Variants in ROBO2 observed in about 807,000 individuals in gnomAD.
ROBO2 encodes the protein roundabout homolog 2.
A neutral mutation model predicts 160.8 loss-of-function variants in ROBO2; 53 were observed. That is an observed-to-expected ratio of 0.33 (90% confidence interval 0.26 to 0.41). The LOEUF (loss-of-function observed/expected upper bound fraction) is 0.41, where lower values mean the gene tolerates loss of function less well. Ranked by LOEUF, ROBO2 falls within the 10% of genes least tolerant of loss-of-function variation. The pLI is 1.00. For synonymous variants in ROBO2, 664 were observed against 611.7 expected (o/e 1.09, Z -1.26); for missense variants, 1,577 against 1,722.4 (o/e 0.92, Z 1.49).
chr3:76,998,489 C>T (rs1195769661), intron 2 of ROBO2, among the ~76,000 whole-genome samples: 1 of 152,134 alleles, frequency 6.6e-6, no homozygotes, highest in Non-Finnish European at 1.5e-5. Flanking sequence ...CTTCCACATA[C>T]ATTTAATCCT....
intron 2 of ROBO2, among the ~76,000 whole-genome samples, chr3:77,113,105 C>T (rs776426564): frequency 3.9e-5 from 6 of 152,174 alleles, no homozygotes; most frequent in South Asian, 2.1e-4. Flanking sequence ...ACGTCTTGCA[C>T]GTCTTATTTC....
chr3:77,384,885 A>C (rs1306643553), intron 2 of ROBO2, among the ~76,000 whole-genome samples: 1 of 152,192 alleles, frequency 6.6e-6, no homozygotes, highest in Non-Finnish European at 1.5e-5. Flanking sequence ...ACCTCTAAAA[A>C]TTTCCATGAT....
At chr3:75,909,006 C>T (rs1428566619) in intron 1 of ROBO2, among the ~76,000 whole-genome samples, 1 of 152,208 alleles carries the variant, frequency 6.6e-6, no homozygotes, top group African/African-American at 2.4e-5. Flanking sequence ...CTTTCAGATT[C>T]CGTGGCAACA....
At chr3:77,163,249 A>G (rs1156669603) in intron 2 of ROBO2, among the ~76,000 whole-genome samples, 1 of 152,242 alleles carries the variant, frequency 6.6e-6, no homozygotes, top group African/African-American at 2.4e-5. Flanking sequence ...CAGCTTTTAA[A>G]ATGTATATAG....
At chr3:76,908,629 T>C (rs1225183492) in intron 2 of ROBO2, among the ~76,000 whole-genome samples, 1 of 152,184 alleles carries the variant, frequency 6.6e-6, no homozygotes, top group Non-Finnish European at 1.5e-5. Context: ...CAACTGCTAC[T>C]CAGGAGGCAC....
intron 2 of ROBO2, among the ~76,000 whole-genome samples, chr3:76,100,728 A>G (rs1209362141): frequency 6.6e-6 from 1 of 152,192 alleles, no homozygotes; most frequent in African/African-American, 2.4e-5. Flanking sequence ...ATTTGGATCA[A>G]AGGACAAACA....
chr3:77,283,130 A>G (rs1270537742), intron 2 of ROBO2, among the ~76,000 whole-genome samples: 1 of 152,170 alleles, frequency 6.6e-6, no homozygotes, highest in East Asian at 1.9e-4. Flanking sequence ...TTTAGTCTAC[A>G]TCTAGAACAA....
At chr3:77,429,192 T>C (rs2078521774) in intron 2 of ROBO2, among the ~76,000 whole-genome samples, 1 of 152,198 alleles carries the variant, frequency 6.6e-6, no homozygotes, top group Non-Finnish European at 1.5e-5. Flanking sequence ...CTCTTGAATG[T>C]GGACTTGTGG....
chr3:77,363,441 C>A (rs1257439503), intron 2 of ROBO2, among the ~76,000 whole-genome samples: 1 of 152,084 alleles, frequency 6.6e-6, no homozygotes, highest in Non-Finnish European at 1.5e-5. Flanking sequence ...TCAGGATTTG[C>A]AGGCCATACG....
intron 2 of ROBO2, among the ~76,000 whole-genome samples, chr3:76,655,513 T>C (rs933458293): frequency 2.4e-4 from 32 of 134,382 alleles, no homozygotes; most frequent in Non-Finnish European, 3.6e-4. Context: ...GTATTAGTTA[T>C]CTTTGTTGCA....
At chr3:76,466,902 G>A (rs1437656356) in intron 2 of ROBO2, among the ~76,000 whole-genome samples, 1 of 151,976 alleles carries the variant, frequency 6.6e-6, no homozygotes, top group Non-Finnish European at 1.5e-5. Flanking sequence ...TAAGCTTTAT[G>A]TATGTACAGA....
intron 2 of ROBO2, among the ~76,000 whole-genome samples, chr3:77,203,451 T>C (rs550376549): frequency 1.3e-5 from 2 of 152,198 alleles, no homozygotes; most frequent in Non-Finnish European, 2.9e-5. Flanking sequence ...AGGTTTTATA[T>C]CTTTGGGAAG....
chr3:76,667,722 G>A (rs1392327205), intron 2 of ROBO2, among the ~76,000 whole-genome samples: 1 of 94,240 alleles, frequency 1.1e-5, no homozygotes, highest in East Asian at 5.7e-4. Context: ...GCTCATAAGT[G>A]CTCTAAACAA....
At chr3:76,424,348 A>C (rs2076122626) in intron 2 of ROBO2, among the ~76,000 whole-genome samples, 1 of 152,214 alleles carries the variant, frequency 6.6e-6, no homozygotes, top group Admixed American at 6.5e-5. Context: ...ATTATTTATT[A>C]GTATTCCTAC....
intron 2 of ROBO2, among the ~76,000 whole-genome samples, chr3:77,134,863 C>A (rs571472308): frequency 1.3e-5 from 2 of 152,280 alleles, no homozygotes; most frequent in African/African-American, 2.4e-5. Flanking sequence ...TCACTCTACT[C>A]GATTAAGAGA....
intron 2 of ROBO2, among the ~76,000 whole-genome samples, chr3:76,975,598 G>A (rs2059779365): frequency 6.6e-6 from 1 of 152,098 alleles, no homozygotes; most frequent in Admixed American, 6.5e-5. Context: ...TGATTTTAAA[G>A]TTGCTTCCTC....
At chr3:76,995,575 A>C (rs1035467139) in intron 2 of ROBO2, among the ~76,000 whole-genome samples, 4 of 152,130 alleles carry the variant, frequency 2.6e-5, no homozygotes, top group African/African-American at 9.7e-5. Flanking sequence ...CAACAGTGTA[A>C]AAGTGTTCCT....
chr3:76,313,285 A>G (rs2071728990), intron 2 of ROBO2, among the ~76,000 whole-genome samples: 1 of 152,180 alleles, frequency 6.6e-6, no homozygotes, highest in Non-Finnish European at 1.5e-5. Context: ...CCTCGCCTTG[A>G]TATGCATATG....
intron 2 of ROBO2, among the ~76,000 whole-genome samples, chr3:76,274,503 A>T (rs1462811260): frequency 6.6e-6 from 1 of 152,120 alleles, no homozygotes; most frequent in African/African-American, 2.4e-5. Flanking sequence ...TGAAATACAG[A>T]TTGTTATTCA....
Sources: allele counts gnomAD v4.1 joint callset (sites outside exome capture counted in the v4.1 genomes callset), GRCh38; gene constraint gnomAD v4.1.1; transcripts MANE v1.5; gene names NCBI Gene and HGNC (gene_info 2026-07-23, HGNC 2026-07-21).